Variants in KDM2B observed in about 807,000 individuals in gnomAD.
KDM2B encodes the protein lysine-specific demethylase 2B.
KDM2B carries 26 observed loss-of-function variants against 150.0 expected under a neutral mutation model. The observed-to-expected ratio is 0.17, with a 90% confidence interval of 0.13 to 0.24. KDM2B has a LOEUF of 0.24. KDM2B is among the 10% of genes least tolerant of loss of function. The pLI, the probability that KDM2B is intolerant of heterozygous loss-of-function variation, is 1.00. For synonymous variants in KDM2B, 734 were observed against 729.5 expected, an observed-to-expected ratio of 1.01 and a Z score of -0.10; for missense variants, 1,265 against 1,816.9, an observed-to-expected ratio of 0.70 and a Z score of 5.52.
intron 6 of KDM2B, among the ~76,000 whole-genome samples, chr12:121,536,914 C>G (rs1326140729): frequency 1.3e-5 from 2 of 152,200 alleles, no homozygotes; most frequent in Non-Finnish European, 1.5e-5. Flanking sequence ...TCCAGCTCCC[C>G]GCAACCCCGA....
chr12:121,576,414 T>C (rs1891495304), intron 2 of KDM2B, among the ~76,000 whole-genome samples: 1 of 152,206 alleles, frequency 6.6e-6, no homozygotes, highest in Non-Finnish European at 1.5e-5. Context: ...GGAAACTGTG[T>C]ATTTGGTGCC....
intron 12 of KDM2B, among the ~76,000 whole-genome samples, chr12:121,478,747 G>A (rs1555297272): frequency 6.6e-6 from 1 of 151,702 alleles, no homozygotes; most frequent in Non-Finnish European, 1.5e-5. Context: ...GAAGGCAGTG[G>A]CACGATCTCG....
chr12:121,465,266 C>T (rs1043154051), intron 12 of KDM2B, among the ~76,000 whole-genome samples: 3 of 152,200 alleles, frequency 2.0e-5, no homozygotes, highest in South Asian at 2.1e-4. Context: ...TCACTCTCGT[C>T]GCTCAGGCTG....
rs782007973 is a variant in KDM2B, at chr12:121,442,999, C to T, written c.2597G>A (p.Arg866Lys). 2 of 1,613,336 alleles carry T rather than the reference C, an allele frequency of 1.2e-6. No individual in the cohort carries two copies. The highest frequency in any genetic ancestry group is 2.2e-5 in the East Asian group (1 of 44,854). Residue 866 changes from arginine to lysine, a missense_variant, in exon 18 of 23, where the codon AGG becomes AAG. Physicochemically the swap from Arg to Lys is conservative, Grantham distance 26. Transcript: ENST00000377071. The surrounding 1 kb of genome is among the most constrained non-coding windows in gnomAD (Gnocchi z 7.7). ...LKPGKEDKLF[R>K]KKRRSWKNAE... The stretch of plus-strand genomic sequence containing the variant: ...GGGAGGGGAAGATGGTACCTTTTTC[C>T]TGAAAAGCTTATCTTCTTTGCCAGG...
At chr12:121,517,037 AG>A (rs1298035321) in intron 9 of KDM2B, among the ~76,000 whole-genome samples, 8 of 151,814 alleles carry the variant, frequency 5.3e-5, no homozygotes, top group Non-Finnish European at 1.2e-4. Context: ...AGCCACTGGG[AG>A]GGGGGGAAAG....
At chr12:121,564,383 G>A (rs1244513449) in intron 4 of KDM2B, among the ~76,000 whole-genome samples, 14 of 152,068 alleles carry the variant, frequency 9.2e-5, no homozygotes, top group Admixed American at 5.2e-4. Context: ...GCGTGAACCC[G>A]GGAGGCGGAG....
chr12:121,474,446 G>A (rs1404122297), intron 12 of KDM2B, among the ~76,000 whole-genome samples: 2 of 151,756 alleles, frequency 1.3e-5, no homozygotes, highest in Non-Finnish European at 2.9e-5. Flanking sequence ...AACCCGGGGG[G>A]CAGAGCTTAC....
chr12:121,574,355 T>C lies in KDM2B; in HGVS notation c.397+192A>G, dbSNP rs1304769497. 6 of 535,788 alleles carry C rather than the reference T, an allele frequency of 1.1e-5. No homozygotes were observed. In the East Asian group the frequency reaches 1.7e-4, roughly 15 times the overall value. The allele number at this position is 535,788 out of a possible 1,614,324, so 33.2% of individuals were successfully genotyped here. A position where few individuals can be genotyped will look rare whatever the true frequency, so the allele number is the denominator to read the frequency against. The stretch of plus-strand genomic sequence containing the variant: ...CTGTGTACCGGCAAACGCCCTCTGA[T>C]ACAGCTTCTTAAGACTGCAACCCTA... On this transcript the variant is annotated intron_variant, in intron 4 of 22. Transcript: ENST00000377071.
At chr12:121,478,848 C>T (rs1881703010) in intron 12 of KDM2B, among the ~76,000 whole-genome samples, 1 of 57,386 alleles carries the variant, frequency 1.7e-5, no homozygotes, top group South Asian at 6.6e-4. Context: ...CCACCACAAC[C>T]GGCTAATTTT....
intron 11 of KDM2B, among the ~76,000 whole-genome samples, chr12:121,506,931 C>T (rs1885130994): frequency 6.8e-6 from 1 of 148,100 alleles, no homozygotes; most frequent in Non-Finnish European, 1.5e-5. Context: ...AGTGAAACTC[C>T]ATCTCAAAAA....
rs781794708 is a variant in KDM2B, at chr12:121,444,467, C to CGT, written c.2171_2172dup (p.Ala725ThrfsTer30). 6.2e-7 allele frequency: 1 copy of CGT among 1,614,042 alleles called. No homozygotes were observed. ...GCACTCACTTTCCCGGTCTTGCCGG[C>CGT]GTGGTTACACTTCGGACACTCCCAG... On this transcript the variant is annotated frameshift_variant, in exon 15 of 23. Coordinates refer to ENST00000377071, the MANE Select transcript of KDM2B (RefSeq NM_032590.5). LOFTEE classifies it high-confidence loss of function.
At chr12:121,524,176 G>C (rs2141270116) in intron 8 of KDM2B, among the ~76,000 whole-genome samples, 1 of 152,252 alleles carries the variant, frequency 6.6e-6, no homozygotes, top group East Asian at 1.9e-4. Context: ...CCAAGTCCAG[G>C]GGCTAGGGTT....
rs118041171 is a variant in KDM2B at position 121,547,829 on chromosome 12, G to A, written c.683+1048C>T. ...GGTCAATTTTTGTATTTTTCGTAGAGACAGAGTTTTGCCATGTTGGTCTGG... is the reference window on the plus strand; with the variant it reads ...GGTCAATTTTTGTATTTTTCGTAGAAACAGAGTTTTGCCATGTTGGTCTGG... On this transcript the variant is annotated intron_variant, in intron 6 of 22. Coordinates refer to ENST00000377071, the MANE Select transcript of KDM2B (RefSeq NM_032590.5). 1.1e-4 allele frequency among the ~76,000 whole-genome samples: 17 copies of A among 152,014 alleles called. No individual in the cohort carries two copies. In the East Asian group the frequency reaches 2.9e-3, roughly 26 times the overall value.
chr12:121,439,803 C>T (rs1874670027), intron 22 of KDM2B, 54 bp downstream of exon 22: 2 of 1,348,168 alleles, frequency 1.5e-6, no homozygotes, highest in Admixed American at 1.7e-5. Context: ...AAATGTGAAC[C>T]TCCTGGTTCT....
chr12:121,544,164 TACTCAGGAGGC>T (rs1281450581), intron 6 of KDM2B, among the ~76,000 whole-genome samples: 20 of 145,532 alleles, frequency 1.4e-4, no homozygotes, highest in Admixed American at 1.4e-3. Context: ...TAGTCCTAGC[TACTCAGGAGGC>T]TGATGTAGGA....
chr12:121,554,758 G>GTA (rs1271616413), intron 4 of KDM2B, among the ~76,000 whole-genome samples: 6 of 152,096 alleles, frequency 3.9e-5, no homozygotes, highest in Non-Finnish European at 1.5e-5. Context: ...TTAATCCCAG[G>GTA]TATATATACC....
At chr12:121,413,444 C>G in the KDM2B span, among the ~76,000 whole-genome samples, 1 of 136,380 alleles carries the variant, frequency 7.3e-6, no homozygotes, top group African/African-American at 3.0e-5. Flanking sequence ...CGGAGTTTTG[C>G]TCTTTTGCCC....
At chr12:121,578,654 AC>A in intron 2 of KDM2B, 147 bp downstream of exon 2, 5 of 52,336 alleles carry the variant, frequency 9.6e-5, no homozygotes, top group Admixed American at 2.0e-4. Context: ...ACCCCACCCC[AC>A]CCCCCCAGTG....
chr12:121,493,606 C>T (rs540177640), intron 12 of KDM2B, among the ~76,000 whole-genome samples: 3 of 152,280 alleles, frequency 2.0e-5, no homozygotes, highest in East Asian at 1.9e-4. Context: ...TTGGCCTCTG[C>T]TGCCAAACTG....
Sources: gnomAD v4.1 joint callset for allele counts (sites outside exome capture counted in the v4.1 genomes callset) on GRCh38, gnomAD v4.1.1 for gene constraint, Gnocchi (gnomAD v3.1) non-coding constraint, MANE v1.5 for transcripts, NCBI Gene and HGNC (gene_info 2026-07-23, HGNC 2026-07-21) for gene names.